The following EPHA7 variants were observed in gnomAD, a reference collection of about 807,000 sequenced individuals.
The protein encoded by EPHA7 is ephrin type-A receptor 7.
In EPHA7, 25 loss-of-function variants were observed where a neutral mutation model predicts 112.6. The ratio of observed to expected loss-of-function variants is 0.22; its 90% CI spans 0.16 to 0.31. EPHA7 has a LOEUF of 0.31. Among genes scored for constraint, EPHA7 ranks in the 10% least tolerant of loss-of-function variants. The pLI, the probability that EPHA7 is intolerant of heterozygous loss-of-function variation, is 1.00. For synonymous variants in EPHA7, 437 were observed against 406.5 expected (o/e 1.07, Z -0.90); for missense variants, 962 against 1,212.6 (o/e 0.79, Z 3.07).
chr6:93,387,456 A>G (rs961379518), intron 3 of EPHA7, among the ~76,000 whole-genome samples: 10 of 151,984 alleles, frequency 6.6e-5, no homozygotes, highest in African/African-American at 2.4e-4. Context: ...GAGCCCTCCA[A>G]ATTGTTCAAA....
chr6:93,417,217 T>C (rs1779282095), intron 1 of EPHA7, among the ~76,000 whole-genome samples: 1 of 152,098 alleles, frequency 6.6e-6, no homozygotes, highest in Non-Finnish European at 1.5e-5. Context: ...GGGGGTTTCT[T>C]ATCTTCCTCT....
intron 3 of EPHA7, among the ~76,000 whole-genome samples, chr6:93,399,152 T>C (rs972533881): frequency 6.6e-6 from 1 of 152,102 alleles, no homozygotes; most frequent in African/African-American, 2.4e-5. Context: ...CTTCTGCTCC[T>C]GCACAAATCT....
At chr6:93,263,206 C>A (rs2054818) in intron 9 of EPHA7, among the ~76,000 whole-genome samples, 66,618 of 150,912 alleles carry the variant, frequency 0.44, 15,608 homozygotes, top group South Asian at 0.7. Context: ...ACTCTCAGTG[C>A]TCTCATTTTC....
intron 5 of EPHA7, among the ~76,000 whole-genome samples, chr6:93,326,333 G>A (rs1395732375): frequency 6.6e-6 from 1 of 151,216 alleles, no homozygotes; most frequent in African/African-American, 2.4e-5. Context: ...ATAAAACACT[G>A]CACAACATTC....
intron 14 of EPHA7, among the ~76,000 whole-genome samples, chr6:93,247,758 T>A (rs1401617153): frequency 6.6e-6 from 1 of 152,142 alleles, no homozygotes; most frequent in Non-Finnish European, 1.5e-5. Flanking sequence ...GCCTAATATA[T>A]CTAATAGCAT....
At chr6:93,291,888 C>T (rs1372472611) in intron 5 of EPHA7, among the ~76,000 whole-genome samples, 1 of 151,824 alleles carries the variant, frequency 6.6e-6, no homozygotes, top group African/African-American at 2.4e-5. Flanking sequence ...CATTACTCCT[C>T]AGATAAGGTG....
At chr6:93,393,354 A>T (rs1778001839) in intron 3 of EPHA7, among the ~76,000 whole-genome samples, 1 of 151,822 alleles carries the variant, frequency 6.6e-6, no homozygotes, top group Non-Finnish European at 1.5e-5. Context: ...TACCTAAATA[A>T]TCTTGAGTGA....
intron 5 of EPHA7, among the ~76,000 whole-genome samples, chr6:93,330,932 A>T (rs1407362944): frequency 6.6e-6 from 1 of 151,342 alleles, no homozygotes; most frequent in Non-Finnish European, 1.5e-5. Context: ...TCTATAACTG[A>T]TCTTAGGACT....
At chr6:93,267,684 A>G (rs1771011191) in intron 7 of EPHA7, among the ~76,000 whole-genome samples, 1 of 151,766 alleles carries the variant, frequency 6.6e-6, no homozygotes, top group Non-Finnish European at 1.5e-5. Context: ...ATTTCATGTG[A>G]TCTTTCAGGT....
Position 93,243,410 on chromosome 6 carries a change from A to C in EPHA7, c.*16T>G. The stretch of plus-strand genomic sequence containing the variant: ...TCTTGCAGTCTGTAATCTCCCTTAA[A>C]AGGGAGAAATGCATATCACACTTGA... On this transcript the variant is annotated 3_prime_UTR_variant, in exon 17 of 17. Coordinates refer to ENST00000369303, the MANE Select transcript of EPHA7 (RefSeq NM_004440.4). The C allele has an allele frequency of 6.3e-7, 1 of 1,587,666 alleles. No homozygotes were observed. The highest frequency in any genetic ancestry group is 1.1e-5 in the South Asian group (1 of 90,562).
chr6:93,403,187 C>A (rs907776193), intron 3 of EPHA7, among the ~76,000 whole-genome samples: 1 of 151,944 alleles, frequency 6.6e-6, no homozygotes, highest in Admixed American at 6.6e-5. Context: ...ACAAGAAATT[C>A]AATTAATTGC....
At chr6:93,289,447 G>A (rs549451998) in intron 5 of EPHA7, among the ~76,000 whole-genome samples, 50 of 150,976 alleles carry the variant, frequency 3.3e-4, no homozygotes, top group Non-Finnish European at 3.1e-4. Flanking sequence ...GTGAAATCCC[G>A]TCTCTACTAA....
intron 5 of EPHA7, among the ~76,000 whole-genome samples, chr6:93,339,898 T>C (rs1775060433): frequency 6.6e-6 from 1 of 151,782 alleles, no homozygotes; most frequent in African/African-American, 2.4e-5. Context: ...CTATACAATG[T>C]ACAAATAATC....
chr6:93,275,604 CA>C (rs11332211), intron 5 of EPHA7, among the ~76,000 whole-genome samples: 108,127 of 151,694 alleles, frequency 0.71, 38,629 homozygotes, highest in South Asian at 0.83. Flanking sequence ...ATGACAATGA[CA>C]AGAAGACCTT....
At chr6:93,359,672 C>T (rs1776143397) in intron 3 of EPHA7, among the ~76,000 whole-genome samples, 1 of 151,970 alleles carries the variant, frequency 6.6e-6, no homozygotes. Flanking sequence ...TGAGTCATCC[C>T]TTAACTTCTG....
Position 93,242,293 on chromosome 6 carries a change from C to T in EPHA7, c.*1133G>A. ...TGTTTTGAACTGCAATGGTGATATT[C>T]TGTGCAGCAAATTTGTGTTTAAATG... is the stretch of plus-strand genomic sequence containing the variant. On this transcript the variant is annotated 3_prime_UTR_variant, in exon 17 of 17. Transcript: ENST00000369303. The T allele has an allele frequency of 4.9e-6, 1 of 204,026 alleles. No individual in the cohort carries two copies. Among genetic ancestry groups the T allele is most frequent in the Non-Finnish European group, 1.0e-5 (1 of 99,074 alleles). 12.6% of individuals were successfully genotyped at this position (204,026 alleles called of 1,614,324 possible).
intron 3 of EPHA7, among the ~76,000 whole-genome samples, chr6:93,380,213 T>C (rs916990101): frequency 1.3e-5 from 2 of 152,060 alleles, no homozygotes; most frequent in South Asian, 2.1e-4. Context: ...TAATAATATC[T>C]CTCATAATTC....
At chr6:93,400,436 T>C (rs1778383663) in intron 3 of EPHA7, among the ~76,000 whole-genome samples, 1 of 152,074 alleles carries the variant, frequency 6.6e-6, no homozygotes. Flanking sequence ...ATACAAGTGT[T>C]TTTTAGATGT....
chr6:93,414,648 A>T (rs1346727228), intron 2 of EPHA7, 55 bp downstream of exon 2: 1 of 1,357,898 alleles, frequency 7.4e-7, no homozygotes, highest in East Asian at 2.3e-5. Context: ...GAGGGAAGGG[A>T]AACGTTTTGT....
Sources: gnomAD v4.1 joint callset for allele counts (sites outside exome capture counted in the v4.1 genomes callset) on GRCh38, gnomAD v4.1.1 for gene constraint, MANE v1.5 for transcripts, NCBI Gene and HGNC (gene_info 2026-07-23, HGNC 2026-07-21) for gene names.